Variants in ARHGAP10 observed in about 807,000 individuals in gnomAD.
ARHGAP10 encodes rho GTPase-activating protein 10.
In ARHGAP10, 87 loss-of-function variants were observed where a neutral mutation model predicts 108.6. That is an observed-to-expected ratio of 0.80 (90% CI 0.67 to 0.96). The LOEUF (loss-of-function observed/expected upper bound fraction) is 0.96. ARHGAP10 is among the 40% of genes least tolerant of loss of function. The probability of loss-of-function intolerance (pLI) is 0.00; values close to 1 mark genes in which losing one functional copy is unlikely to be tolerated. For missense variants in ARHGAP10, 939 were observed against 954.5 expected, an observed-to-expected ratio of 0.98 and a Z score of 0.21; for synonymous variants, 347 against 341.1, an observed-to-expected ratio of 1.02 and a Z score of -0.19.
chr4:147,853,952 C>T (rs921735845), intron 4 of ARHGAP10, among the ~76,000 whole-genome samples: 1 of 152,100 alleles, frequency 6.6e-6, no homozygotes, highest in African/African-American at 2.4e-5. Context: ...ATGGTTGAAT[C>T]GTCTCTTCCT....
In ARHGAP10 at chr4:147,796,830, C is replaced by T. The variant is rs114216089; in HGVS notation, c.155-25897C>T. The stretch of plus-strand genomic sequence containing the variant: ...GTGAGCCACTGCGCCCGGCCTGTTC[C>T]TTATTTCTGGAATGCTAGTACTGGC... On this transcript the variant is annotated intron_variant, in intron 1 of 22. Transcript: ENST00000336498. Among the ~76,000 whole-genome samples, 436 of 152,268 alleles carry T rather than the reference C, an allele frequency of 2.9e-3. 3 individuals carry two copies. The highest frequency in any genetic ancestry group is 0.01 in the African/African-American group (417 of 41,552).
chr4:148,063,293 C>T lies in ARHGAP10; in HGVS notation c.2173C>T (p.Pro725Ser). 6.2e-7 allele frequency: 1 copy of T among 1,614,160 alleles called. No homozygotes were observed. The highest frequency in any genetic ancestry group is 8.5e-7 in the Non-Finnish European group (1 of 1,180,028). ...SPPATVADKPPESIRSRKARA... is the reference protein window; with the variant it reads ...SPPATVADKPSESIRSRKARA... ...TCCTGCTACTGTAGCGGACAAGCCACCTGAAAGGTACGTGGTTTGGAGTGG... is the reference window on the plus strand; with the variant it reads ...TCCTGCTACTGTAGCGGACAAGCCATCTGAAAGGTACGTGGTTTGGAGTGG... The change falls in exon 21 of 23, where the codon CCT becomes TCT. Residue 725 changes from proline (P) to serine (S), a missense_variant. By Grantham distance (74) the Pro-to-Ser change is moderately conservative. Coordinates refer to ENST00000336498, the MANE Select transcript of ARHGAP10 (RefSeq NM_024605.4).
At chr4:147,793,822 T>TA (rs1438770917) in intron 1 of ARHGAP10, among the ~76,000 whole-genome samples, 28 of 152,320 alleles carry the variant, frequency 1.8e-4, no homozygotes, top group Non-Finnish European at 4.0e-4. Context: ...TGTACATTGA[T>TA]ACGTATTTGT....
In ARHGAP10 at chr4:147,936,421, C is replaced by T. The variant is rs1002130535; in HGVS notation, c.1229-3404C>T. Among the ~76,000 whole-genome samples the T allele has an allele frequency of 2.2e-4, 33 of 150,254 alleles. No individual in the cohort carries two copies. The East Asian group carries it at 4.9e-3, about 22-fold the overall frequency. ...TCGGCTCACTGCAAGCTCCGCTTCC[C>T]GGGTTCACGCCATTCTCCTGCCTCA... On this transcript the variant is annotated intron_variant, in intron 13 of 22. Coordinates refer to ENST00000336498, the MANE Select transcript of ARHGAP10 (RefSeq NM_024605.4).
At chr4:147,770,576 T>C (rs1011541555) in intron 1 of ARHGAP10, among the ~76,000 whole-genome samples, 2 of 152,230 alleles carry the variant, frequency 1.3e-5, no homozygotes, top group Non-Finnish European at 2.9e-5. Flanking sequence ...CTCTGTATCC[T>C]GTATTTAACT....
At position 147,784,720 on chromosome 4, in the gene ARHGAP10, ATATAT is replaced by A. The variant is rs1730765874; in HGVS notation, c.155-38002_155-37998del. 1.0e-4 allele frequency among the ~76,000 whole-genome samples: 6 copies of A among 59,860 alleles called. 1 individual carries two copies. Among genetic ancestry groups the A allele is most frequent in the Non-Finnish European group, 9.0e-5 (3 of 33,162 alleles). The allele number at this position is 59,860 out of a possible 152,430, so 39.3% of individuals were successfully genotyped here. A position where few individuals can be genotyped will look rare whatever the true frequency, so the allele number is the denominator to read the frequency against. ...TTATAAAATATATATTATAAATATA[ATATAT>A]TATAAAATATATATTATAAATATAT... On this transcript the variant is annotated intron_variant, in intron 1 of 22. Coordinates refer to ENST00000336498, the MANE Select transcript of ARHGAP10 (RefSeq NM_024605.4).
chr4:147,804,143 C>T (rs1056076708), intron 1 of ARHGAP10, among the ~76,000 whole-genome samples: 5 of 152,044 alleles, frequency 3.3e-5, no homozygotes, highest in South Asian at 2.1e-4. Context: ...TTTTGATCCT[C>T]ACCCTCCTCC....
chr4:147,922,526 A>G (rs1685193135), intron 13 of ARHGAP10, among the ~76,000 whole-genome samples: 1 of 151,060 alleles, frequency 6.6e-6, no homozygotes, highest in Non-Finnish European at 1.5e-5. Flanking sequence ...CGTCTCTACT[A>G]AAACTACAAA....
At chr4:147,790,866 A>G (rs1025126125) in intron 1 of ARHGAP10, among the ~76,000 whole-genome samples, 1 of 152,210 alleles carries the variant, frequency 6.6e-6, no homozygotes, top group East Asian at 1.9e-4. Context: ...TGAAGGAAAC[A>G]AGTCAAAATA....
At chr4:148,013,449 G>A (rs1459784887) in intron 18 of ARHGAP10, among the ~76,000 whole-genome samples, 4 of 152,146 alleles carry the variant, frequency 2.6e-5, no homozygotes, top group Admixed American at 2.6e-4. Context: ...AGCACTTTGG[G>A]AGGCTGGGGC....
intron 1 of ARHGAP10, among the ~76,000 whole-genome samples, chr4:147,817,514 C>T (rs1038580223): frequency 2.0e-5 from 3 of 152,228 alleles, no homozygotes; most frequent in Admixed American, 6.5e-5. Context: ...AGGCTGTCCA[C>T]ACCTGAATTC....
chr4:147,999,736 C>G (rs1250028918), intron 18 of ARHGAP10, among the ~76,000 whole-genome samples: 1 of 152,168 alleles, frequency 6.6e-6, no homozygotes, highest in African/African-American at 2.4e-5. Context: ...AACCCCAGGT[C>G]AGAGAACACG....
chr4:147,897,609 A>C (rs1736048711), intron 10 of ARHGAP10, among the ~76,000 whole-genome samples: 1 of 152,222 alleles, frequency 6.6e-6, no homozygotes, highest in African/African-American at 2.4e-5. Flanking sequence ...CTCAAAAATA[A>C]AGACCCTTAG....
intron 1 of ARHGAP10, among the ~76,000 whole-genome samples, chr4:147,819,236 T>C (rs1020885825): frequency 2.6e-5 from 4 of 152,150 alleles, no homozygotes; most frequent in African/African-American, 9.7e-5. Flanking sequence ...ATCTAGTGAT[T>C]TTGGATAAAA....
At chr4:147,919,092 G>T (rs1426417974) in intron 13 of ARHGAP10, among the ~76,000 whole-genome samples, 1 of 152,040 alleles carries the variant, frequency 6.6e-6, no homozygotes, top group East Asian at 1.9e-4. Flanking sequence ...GACATTTGAC[G>T]TTTTTATTAA....
At chr4:147,789,295 T>G (rs1473985802) in intron 1 of ARHGAP10, among the ~76,000 whole-genome samples, 1 of 152,190 alleles carries the variant, frequency 6.6e-6, no homozygotes, top group Non-Finnish European at 1.5e-5. Flanking sequence ...TTCCACATAT[T>G]TTATTTATGT....
intron 19 of ARHGAP10, among the ~76,000 whole-genome samples, chr4:148,035,005 C>T (rs577236408): frequency 6.6e-6 from 1 of 152,320 alleles, no homozygotes; most frequent in South Asian, 2.1e-4. Flanking sequence ...CTGAACTGGT[C>T]TTACTTGCTT....
intron 19 of ARHGAP10, among the ~76,000 whole-genome samples, chr4:148,032,846 C>T (rs888929163): frequency 2.0e-5 from 3 of 152,122 alleles, no homozygotes; most frequent in African/African-American, 4.8e-5. Context: ...CTCTCATGTT[C>T]GAGGGCAGGA....
At chr4:148,006,179 T>G (rs1740941729) in intron 18 of ARHGAP10, among the ~76,000 whole-genome samples, 1 of 152,258 alleles carries the variant, frequency 6.6e-6, no homozygotes, top group Admixed American at 6.5e-5. Flanking sequence ...TCAGCCACCC[T>G]GGGCCTGCCA....
Sources: gnomAD v4.1 joint callset for allele counts (sites outside exome capture counted in the v4.1 genomes callset) on GRCh38, gnomAD v4.1.1 for gene constraint, MANE v1.5 for transcripts, NCBI Gene and HGNC (gene_info 2026-07-23, HGNC 2026-07-21) for gene names.